Variants in IQSEC1 observed in about 807,000 individuals in gnomAD.
The protein encoded by IQSEC1 is IQ motif and Sec7 domain ArfGEF 1, also known as IQ motif and SEC7 domain-containing protein 1.
IQSEC1 carries 31 observed loss-of-function variants against 91.0 expected under a neutral mutation model. The observed-to-expected ratio is 0.34, with a 90% confidence interval of 0.26 to 0.46. IQSEC1 has a LOEUF of 0.46. IQSEC1 is among the 20% of genes least tolerant of loss of function. The probability of loss-of-function intolerance (pLI) is 1.00; values close to 1 mark genes in which losing one functional copy is unlikely to be tolerated. For synonymous variants in IQSEC1, 699 were observed against 662.6 expected (o/e 1.05, Z -0.84); for missense variants, 1,388 against 1,575.6 (o/e 0.88, Z 2.02).
intron 1 of IQSEC1, among the ~76,000 whole-genome samples, chr3:13,218,377 TA>T (rs1368693077): frequency 6.6e-6 from 1 of 152,172 alleles, no homozygotes; most frequent in East Asian, 1.9e-4. Flanking sequence ...GAATGACTCA[TA>T]GGTGTGTGCA....
intron 1 of IQSEC1, among the ~76,000 whole-genome samples, chr3:13,215,377 G>A (rs966173361): frequency 4.6e-5 from 7 of 151,452 alleles, no homozygotes; most frequent in African/African-American, 1.7e-4. Context: ...AGGAGCACAC[G>A]GAGCTTTGGC....
At chr3:13,150,248 G>C (rs1420005411) in intron 2 of IQSEC1, among the ~76,000 whole-genome samples, 2 of 152,174 alleles carry the variant, frequency 1.3e-5, no homozygotes, top group Admixed American at 6.5e-5. Flanking sequence ...AGGCTGGAAG[G>C]CATCTAAGAA....
chr3:13,067,994 C>G (rs1705291995), intron 1 of IQSEC1, among the ~76,000 whole-genome samples: 1 of 152,204 alleles, frequency 6.6e-6, no homozygotes, highest in South Asian at 2.1e-4. Flanking sequence ...AGCTTGGGGC[C>G]CAGCCTGCTT....
At chr3:12,943,038 T>C (rs1698900754) in intron 1 of IQSEC1, among the ~76,000 whole-genome samples, 1 of 152,246 alleles carries the variant, frequency 6.6e-6, no homozygotes, top group Non-Finnish European at 1.5e-5. Context: ...TGGAAACTCA[T>C]ACATTGCTGT....
In IQSEC1 at chr3:12,902,918, C is replaced by G. The variant is rs552305964; in HGVS notation, c.2756-96G>C. The G allele has an allele frequency of 3.1e-5, 29 of 931,150 alleles. No homozygotes were observed. In the East Asian group the frequency reaches 7.4e-4, roughly 24 times the overall value. 57.7% of individuals were successfully genotyped at this position (931,150 alleles called of 1,614,324 possible). ...CGCTGCTGCCACGGAGCCTGCACCC[C>G]TGCTGGGAGCAGGCACAGGTGCCGG... On this transcript the variant is annotated intron_variant, in intron 12 of 13. Coordinates refer to ENST00000613206, the MANE Select transcript of IQSEC1 (RefSeq NM_001134382.3).
chr3:13,266,472 A>G (rs1408291538), intron 1 of IQSEC1, among the ~76,000 whole-genome samples: 1 of 152,172 alleles, frequency 6.6e-6, no homozygotes, highest in African/African-American at 2.4e-5. Context: ...CAGGCCCCTG[A>G]GGCCCAGACC....
chr3:13,067,106 G>A (rs531769090), intron 1 of IQSEC1, among the ~76,000 whole-genome samples: 62 of 152,328 alleles, frequency 4.1e-4, no homozygotes, highest in Non-Finnish European at 6.6e-4. Context: ...CTGGAGTGGA[G>A]CCTCCTTGTC....
At position 12,901,085 on chromosome 3, in the gene IQSEC1, C is replaced by T. The variant is rs755001923; in HGVS notation, c.3243G>A (p.Ser1081=). ...GGTGCACTGTGTGCCCCACGTGGGCCGAGGGCAGCGGCGGGTGGCCGTGGG... is the reference window on the plus strand; with the variant it reads ...GGTGCACTGTGTGCCCCACGTGGGCTGAGGGCAGCGGCGGGTGGCCGTGGG... ...AHAHGHPPLP[S]AHVGHTVHHH... Residue 1081 remains serine (S), a synonymous_variant, in exon 14 of 14, where the codon TCG becomes TCA. Coordinates refer to ENST00000613206, the MANE Select transcript of IQSEC1 (RefSeq NM_001134382.3). The T allele has an allele frequency of 1.6e-5, 24 of 1,538,794 alleles. No individual in the cohort carries two copies. The highest frequency in any genetic ancestry group is 8.4e-5 in the South Asian group (7 of 83,750).
At position 12,901,557 on chromosome 3, in the gene IQSEC1, G is replaced by A. The variant is rs914775731; in HGVS notation, c.2806-35C>T. ...AAATTCATAGAAATCAAAATTAAAA[G>A]ATCTTCAAGCACTTAGGTCAGAATG... On this transcript the variant is annotated intron_variant, in intron 13 of 13. Coordinates refer to ENST00000613206, the MANE Select transcript of IQSEC1 (RefSeq NM_001134382.3). 2.7e-5 allele frequency: 40 copies of A among 1,500,442 alleles called. No individual in the cohort carries two copies. The Admixed American group carries it at 3.0e-4, about 11-fold the overall frequency. 92.9% of individuals were successfully genotyped at this position (1,500,442 alleles called of 1,614,324 possible). A position where few individuals can be genotyped will look rare whatever the true frequency, so the allele number is the denominator to read the frequency against.
intron 2 of IQSEC1, among the ~76,000 whole-genome samples, chr3:12,937,179 C>T (rs867420527): frequency 2.0e-5 from 3 of 152,110 alleles, no homozygotes; most frequent in Non-Finnish European, 2.9e-5. Context: ...GTGATCCACC[C>T]GCCTCGCCCT....
At chr3:13,176,381 C>T (rs1018558443) in intron 1 of IQSEC1, among the ~76,000 whole-genome samples, 1 of 151,802 alleles carries the variant, frequency 6.6e-6, no homozygotes, top group Non-Finnish European at 1.5e-5. Flanking sequence ...GAGTCCTCCC[C>T]TCTTTGACTC....
At chr3:13,174,314 G>GC (rs1041796009) in intron 1 of IQSEC1, among the ~76,000 whole-genome samples, 42 of 152,264 alleles carry the variant, frequency 2.8e-4, no homozygotes, top group African/African-American at 9.6e-4. Flanking sequence ...AGGCTGCACT[G>GC]CCCCGGGAGT....
At chr3:13,113,000 G>A (rs989513361) in intron 2 of IQSEC1, among the ~76,000 whole-genome samples, 1 of 152,250 alleles carries the variant, frequency 6.6e-6, no homozygotes, top group African/African-American at 2.4e-5. Flanking sequence ...CTCACTGTGA[G>A]CATCAGTCAC....
In IQSEC1 at chr3:13,277,137, A is replaced by AAC. The variant is rs60347391; in HGVS notation, c.272+5573_272+5574insGT. Among the ~76,000 whole-genome samples the AAC allele has an allele frequency of 8.8e-3, 1,038 of 118,366 alleles. 91 individuals carry two copies. Among genetic ancestry groups the AAC allele is most frequent in the African/African-American group, 0.036 (977 of 27,446 alleles). The allele number at this position is 118,366 out of a possible 152,430, so 77.7% of individuals were successfully genotyped here. Reference sequence around the variant, plus strand: ...AAAAAAAAAAAAAAAAAAAAAAAAAACAGAAAACAAGACACAAAAGACCGG... The same window carrying AAC: ...AAAAAAAAAAAAAAAAAAAAAAAAAAACCAGAAAACAAGACACAAAAGACCGG... On this transcript the variant is annotated intron_variant, in intron 1 of 15. Transcript: ENST00000648114.
intron 1 of IQSEC1, among the ~76,000 whole-genome samples, chr3:13,186,825 A>T (rs1350280355): frequency 6.6e-6 from 1 of 152,132 alleles, no homozygotes; most frequent in Non-Finnish European, 1.5e-5. Context: ...GCTCAGCTGG[A>T]ATGGTCTTAC....
At chr3:12,953,625 C>A (rs545400059) in intron 1 of IQSEC1, among the ~76,000 whole-genome samples, 1 of 152,216 alleles carries the variant, frequency 6.6e-6, no homozygotes, top group Non-Finnish European at 1.5e-5. Context: ...GCAGACGGCA[C>A]GAGGAGTCGG....
At chr3:13,254,738 G>A (rs978802263) in intron 1 of IQSEC1, among the ~76,000 whole-genome samples, 8 of 152,160 alleles carry the variant, frequency 5.3e-5, no homozygotes, top group African/African-American at 9.7e-5. Context: ...ACTGCCCAGC[G>A]AGCAGCAGGT....
chr3:13,226,299 T>G (rs1167091062), intron 1 of IQSEC1, among the ~76,000 whole-genome samples: 1 of 152,264 alleles, frequency 6.6e-6, no homozygotes, highest in Non-Finnish European at 1.5e-5. Context: ...CCTGGCCCTG[T>G]GTTAGTTACC....
chr3:13,115,419 G>C (rs1406370018), intron 2 of IQSEC1, among the ~76,000 whole-genome samples: 2 of 152,304 alleles, frequency 1.3e-5, no homozygotes, highest in East Asian at 1.9e-4. Flanking sequence ...GATGTCTCTT[G>C]ACAGGTGTTC....
Sources: allele counts gnomAD v4.1 joint callset (sites outside exome capture counted in the v4.1 genomes callset), GRCh38; gene constraint gnomAD v4.1.1; transcripts MANE v1.5; gene names NCBI Gene and HGNC (gene_info 2026-07-23, HGNC 2026-07-21).